RASGRP3: variants seen among roughly 807,000 people sequenced by gnomAD.
The protein encoded by RASGRP3 is RAS guanyl releasing protein 3.
Under a neutral mutation model 82.7 loss-of-function variants are expected in RASGRP3, and 54 were observed. The ratio of observed to expected loss-of-function variants is 0.65; its 90% CI spans 0.52 to 0.82. The LOEUF is 0.82. Ranked by LOEUF, RASGRP3 falls within the 40% of genes least tolerant of loss-of-function variation. The probability of loss-of-function intolerance (pLI) is 0.00; values close to 1 mark genes in which losing one functional copy is unlikely to be tolerated. For synonymous variants in RASGRP3, 309 were observed against 300.5 expected (o/e 1.03, Z -0.29); for missense variants, 861 against 828.9 (o/e 1.04, Z -0.48).
intron 1 of RASGRP3, among the ~76,000 whole-genome samples, chr2:33,491,808 G>A (rs1032153158): frequency 1.3e-5 from 2 of 152,244 alleles, no homozygotes; most frequent in Non-Finnish European, 2.9e-5. Flanking sequence ...CCTGCACTGA[G>A]AGGTGCCAGG....
At chr2:33,454,985 A>C (rs765729324) in intron 2 of RASGRP3, among the ~76,000 whole-genome samples, 1 of 152,220 alleles carries the variant, frequency 6.6e-6, no homozygotes, top group Non-Finnish European at 1.5e-5. Flanking sequence ...TGATTGGCTC[A>C]GTTTGAGTTA....
Position 33,494,629 on chromosome 2 carries a change from T to A in RASGRP3, c.-260-17081T>A, listed in dbSNP as rs1669150998. On this transcript the variant is annotated intron_variant, in intron 1 of 17. Coordinates refer to ENST00000403687, the MANE Select transcript of RASGRP3 (RefSeq NM_001139488.2). Reference sequence around the variant, plus strand: ...TATACTCACTATAGTGTGTGGAATCTGAAAATGTTTGCCTCTAAGCACGAA... The same window carrying A: ...TATACTCACTATAGTGTGTGGAATCAGAAAATGTTTGCCTCTAAGCACGAA... Among the ~76,000 whole-genome samples, 7 of 152,336 alleles carry A rather than the reference T, an allele frequency of 4.6e-5. No homozygotes were observed. In the South Asian group the frequency reaches 1.4e-3, roughly 32 times the overall value.
At chr2:33,506,400 T>C (rs1670383439) in intron 1 of RASGRP3, among the ~76,000 whole-genome samples, 1 of 152,352 alleles carries the variant, frequency 6.6e-6, no homozygotes, top group East Asian at 1.9e-4. Context: ...TTAACTTCTT[T>C]AGGCCTCAAT....
chr2:33,471,257 C>G (rs1667044019), intron 2 of RASGRP3, among the ~76,000 whole-genome samples: 5 of 151,940 alleles, frequency 3.3e-5, no homozygotes, highest in Admixed American at 1.3e-4. Flanking sequence ...CTTACTGCAG[C>G]TTTGATCCCC....
At chr2:33,444,565 G>A (rs527366628) in intron 1 of RASGRP3, among the ~76,000 whole-genome samples, 1 of 152,272 alleles carries the variant, frequency 6.6e-6, no homozygotes, top group South Asian at 2.1e-4. Flanking sequence ...GCCACCCACA[G>A]CTCATAAATA....
At chr2:33,534,468 A>T (rs1228243949) in intron 11 of RASGRP3, 68 bp downstream of exon 11, 1 of 971,912 alleles carries the variant, frequency 1.0e-6, no homozygotes, top group Non-Finnish European at 1.6e-6. Flanking sequence ...GTAATTGGCT[A>T]TTACAATGCT....
intron 6 of RASGRP3, among the ~76,000 whole-genome samples, 165 bp from the exon 7 acceptor site, chr2:33,521,790 G>C (rs146975404): frequency 6.6e-6 from 1 of 152,236 alleles, no homozygotes; most frequent in Non-Finnish European, 1.5e-5. Context: ...TTTATGTTCT[G>C]TTGGCAACTG....
In RASGRP3 at chr2:33,558,571, C is replaced by T. The variant is rs1676277350; in HGVS notation, c.1706-101C>T. 2.5e-6 allele frequency: 3 copies of T among 1,193,692 alleles called. No individual in the cohort carries two copies. In the South Asian group the frequency reaches 4.6e-5, roughly 18 times the overall value. The allele number at this position is 1,193,692 out of a possible 1,614,324, so 73.9% of individuals were successfully genotyped here. On this transcript the variant is annotated intron_variant, in intron 16 of 17. Coordinates refer to ENST00000403687, the MANE Select transcript of RASGRP3 (RefSeq NM_001139488.2). ...TGAGTTCTGTCCCTTGTCGGTTCCTCTAGAATGTTGCATGCCAGACTCGTG... is the reference window on the plus strand; with the variant it reads ...TGAGTTCTGTCCCTTGTCGGTTCCTTTAGAATGTTGCATGCCAGACTCGTG...
chr2:33,510,925 A>G (rs1426718614), intron 1 of RASGRP3, among the ~76,000 whole-genome samples: 3 of 152,174 alleles, frequency 2.0e-5, no homozygotes, highest in African/African-American at 7.2e-5. Context: ...TATTTCTAAA[A>G]TTGGGAGCAC....
intron 1 of RASGRP3, among the ~76,000 whole-genome samples, chr2:33,507,378 G>A (rs1670482232): frequency 6.6e-6 from 1 of 152,178 alleles, no homozygotes; most frequent in Non-Finnish European, 1.5e-5. Flanking sequence ...CTGGGTGACA[G>A]AGCAAGACTC....
At position 33,558,833 on chromosome 2, in the gene RASGRP3, G is replaced by A; in HGVS notation, c.1867G>A (p.Ala623Thr). 9 of 1,614,024 alleles carry A rather than the reference G, an allele frequency of 5.6e-6. No individual in the cohort carries two copies. The highest frequency in any genetic ancestry group is 7.6e-6 in the Non-Finnish European group (9 of 1,179,894). Residue 623 changes from alanine (A) to threonine (T), a missense_variant, in exon 17 of 18, where the codon GCT (alanine) becomes ACT (threonine). Ala to Thr is a moderately conservative substitution (Grantham distance 58, BLOSUM62 0). Transcript: ENST00000403687. The stretch of plus-strand genomic sequence containing the variant: ...CCAGACTGAACCTGTCTGGTCAGAG[G>A]CTGGCTGGGGGGACTCGGGGTCCCA... The part of the protein sequence containing the change: ...ATQTEPVWSE[A>T]GWGDSGSHTF...
rs1187566753 is a variant in RASGRP3 at position 33,503,591 on chromosome 2, A to C, written c.-260-8119A>C. Reference sequence around the variant, plus strand: ...AGAGCACAGAAATAATTTTAAACACACTTTTTTTTTTGGTTCCTGTACTTT... The same window carrying C: ...AGAGCACAGAAATAATTTTAAACACCCTTTTTTTTTTGGTTCCTGTACTTT... On this transcript the variant is annotated intron_variant, in intron 1 of 17. Coordinates refer to ENST00000403687, the MANE Select transcript of RASGRP3 (RefSeq NM_001139488.2). 5.9e-5 allele frequency among the ~76,000 whole-genome samples: 8 copies of C among 135,356 alleles called. No individual in the cohort carries two copies. The South Asian group carries it at 1.9e-3, about 32-fold the overall frequency. The allele number at this position is 135,356 out of a possible 152,430, so 88.8% of individuals were successfully genotyped here.
At chr2:33,453,386 T>G (rs7573678) in intron 2 of RASGRP3, among the ~76,000 whole-genome samples, 9 of 152,176 alleles carry the variant, frequency 5.9e-5, no homozygotes, top group African/African-American at 2.2e-4. Flanking sequence ...GGTGTTTCTG[T>G]AAGGGGATAT....
chr2:33,463,342 T>C (rs1360746423), intron 2 of RASGRP3, among the ~76,000 whole-genome samples: 2 of 152,168 alleles, frequency 1.3e-5, no homozygotes, highest in Admixed American at 1.3e-4. Context: ...TTATAATAAG[T>C]AAATGCATTT....
chr2:33,513,129 G>C (rs762605381), intron 2 of RASGRP3, among the ~76,000 whole-genome samples: 63 of 152,230 alleles, frequency 4.1e-4, no homozygotes, highest in Non-Finnish European at 8.5e-4. Context: ...TTCAGCAGCA[G>C]AATTGGGAAA....
chr2:33,461,885 G>C (rs1009249665), intron 2 of RASGRP3, among the ~76,000 whole-genome samples: 1 of 152,208 alleles, frequency 6.6e-6, no homozygotes, highest in African/African-American at 2.4e-5. Context: ...ATGGAAATGA[G>C]GTTAAAAGCC....
chr2:33,447,832 T>C (rs2150880448), exon 2 of RASGRP3: 1 of 152,356 alleles, frequency 6.6e-6, no homozygotes, highest in Non-Finnish European at 1.5e-5. Flanking sequence ...TATTTTCTTT[T>C]AAAACATCCA....
chr2:33,440,736 G>GAA (rs1333188274), intron 1 of RASGRP3, among the ~76,000 whole-genome samples: 1 of 152,102 alleles, frequency 6.6e-6, no homozygotes, highest in South Asian at 2.1e-4. Context: ...GTCATCTGGT[G>GAA]AAATAAAGAT....
chr2:33,498,773 C>G (rs1436614928), intron 1 of RASGRP3, among the ~76,000 whole-genome samples: 1 of 152,090 alleles, frequency 6.6e-6, no homozygotes, highest in Non-Finnish European at 1.5e-5. Flanking sequence ...TTTTACCTCT[C>G]TCACAACACT....
Sources: allele counts gnomAD v4.1 joint callset (sites outside exome capture counted in the v4.1 genomes callset), GRCh38; gene constraint gnomAD v4.1.1; transcripts MANE v1.5; gene names NCBI Gene and HGNC (gene_info 2026-07-23, HGNC 2026-07-21).